The following PAWR variants were observed in gnomAD, a reference collection of about 807,000 sequenced individuals.
The protein encoded by PAWR is PRKC apoptosis WT1 regulator protein.
PAWR carries 23 observed loss-of-function variants against 32.0 expected under a neutral mutation model. That is an observed-to-expected ratio of 0.72 (90% CI 0.52 to 1.02). The LOEUF is 1.02. PAWR is among the 50% of genes least tolerant of loss of function. The pLI, the probability that PAWR is intolerant of heterozygous loss-of-function variation, is 0.00. For missense variants in PAWR, 457 were observed against 437.7 expected, an observed-to-expected ratio of 1.04 and a Z score of -0.39; for synonymous variants, 226 against 187.1, an observed-to-expected ratio of 1.21 and a Z score of -1.70.
In PAWR at chr12:79,586,068, A is replaced by G. The variant is rs1873376811; in HGVS notation, c.*6539T>C. The G allele has an allele frequency of 6.6e-6, 1 of 152,200 alleles. No individual in the cohort carries two copies. Among genetic ancestry groups the G allele is most frequent in the South Asian group, 2.1e-4 (1 of 4,828 alleles). 9.4% of individuals were successfully genotyped at this position (152,200 alleles called of 1,614,324 possible). On this transcript the variant is annotated 3_prime_UTR_variant, in exon 7 of 7. Transcript: ENST00000328827. Reference sequence around the variant, plus strand: ...CTCATCAAAATTTTCATTGATTTAAATAAGTTAATATGAACAGACTGACAT... The same window carrying G: ...CTCATCAAAATTTTCATTGATTTAAGTAAGTTAATATGAACAGACTGACAT...
At chr12:79,595,840 G>A (rs1330795610) in intron 5 of PAWR, among the ~76,000 whole-genome samples, 1 of 151,926 alleles carries the variant, frequency 6.6e-6, no homozygotes, top group Non-Finnish European at 1.5e-5. Context: ...CAACAAGAGC[G>A]AAACTCTGTC....
chr12:79,640,116 G>A (rs536190395), intron 2 of PAWR, among the ~76,000 whole-genome samples: 72 of 152,068 alleles, frequency 4.7e-4, no homozygotes, highest in African/African-American at 1.7e-3. Context: ...TGTTAGCCAG[G>A]CTTGTCGAAC....
At chr12:79,625,406 G>C (rs1284763602) in intron 2 of PAWR, among the ~76,000 whole-genome samples, 1 of 151,902 alleles carries the variant, frequency 6.6e-6, no homozygotes, top group South Asian at 2.1e-4. Context: ...ACAGATGCAA[G>C]CTCAACAAGT....
At chr12:79,633,016 C>G (rs1289378795) in intron 2 of PAWR, among the ~76,000 whole-genome samples, 1 of 151,950 alleles carries the variant, frequency 6.6e-6, no homozygotes, top group Non-Finnish European at 1.5e-5. Context: ...TGTCTGTAGT[C>G]TCAGTTACTT....
chr12:79,643,071 CA>C (rs1876406395), intron 2 of PAWR, among the ~76,000 whole-genome samples: 2 of 152,112 alleles, frequency 1.3e-5, no homozygotes, highest in Admixed American at 1.3e-4. Flanking sequence ...ATTACAAAGG[CA>C]AATCTTGCTT....
intron 2 of PAWR, among the ~76,000 whole-genome samples, chr12:79,622,075 C>T (rs1366329968): frequency 6.6e-6 from 1 of 151,780 alleles, no homozygotes; most frequent in African/African-American, 2.4e-5. Flanking sequence ...CACTAAGGAA[C>T]TGATCACAGC....
intron 3 of PAWR, 62 bp from the exon 4 acceptor site, chr12:79,613,671 T>C (rs1022588637): frequency 2.6e-5 from 22 of 836,788 alleles, no homozygotes; most frequent in Non-Finnish European, 4.0e-5. Flanking sequence ...ACTTATTATA[T>C]AAAATAGTTG....
intron 4 of PAWR, among the ~76,000 whole-genome samples, chr12:79,611,286 AAT>A (rs914751743): frequency 5.4e-5 from 8 of 147,022 alleles, no homozygotes; most frequent in African/African-American, 2.0e-4. Context: ...ATTTATATAA[AAT>A]ATATATAATT....
At chr12:79,621,261 A>G in intron 2 of PAWR, 54 bp from the exon 3 acceptor site, 1 of 1,318,784 alleles carries the variant, frequency 7.6e-7, no homozygotes, top group South Asian at 1.3e-5. Flanking sequence ...GACTGTTTCG[A>G]TAATATGTGA....
At position 79,631,930 on chromosome 12, in the gene PAWR, C is replaced by T. The variant is rs572666360; in HGVS notation, c.517-10723G>A. 1.4e-3 allele frequency among the ~76,000 whole-genome samples: 207 copies of T among 151,854 alleles called. 1 individual carries two copies. The highest frequency in any genetic ancestry group is 4.6e-3 in the African/African-American group (190 of 41,440). On this transcript the variant is annotated intron_variant, in intron 2 of 6. Coordinates refer to ENST00000328827, the MANE Select transcript of PAWR (RefSeq NM_002583.4). The stretch of plus-strand genomic sequence containing the variant: ...GGTGGATTGCCTGAGCTCAAGAGTT[C>T]GAGACCAGCCTGGGGAACATGATGA...
chr12:79,594,704 T>TGA (rs1873682619), intron 5 of PAWR, among the ~76,000 whole-genome samples: 1 of 105,340 alleles, frequency 9.5e-6, no homozygotes, highest in Non-Finnish European at 1.6e-5. Context: ...TAACCTCGTG[T>TGA]GTGTGTGTGT....
chr12:79,611,713 G>A (rs1874448665), intron 4 of PAWR, among the ~76,000 whole-genome samples: 1 of 151,776 alleles, frequency 6.6e-6, no homozygotes, highest in South Asian at 2.1e-4. Context: ...ATTAAACAGG[G>A]GCAAATCTTT....
At chr12:79,650,322 G>T (rs540426573) in intron 2 of PAWR, among the ~76,000 whole-genome samples, 6 of 152,282 alleles carry the variant, frequency 3.9e-5, no homozygotes, top group African/African-American at 1.4e-4. Flanking sequence ...AAGGCTACAC[G>T]CTACATTGAC....
intron 2 of PAWR, among the ~76,000 whole-genome samples, chr12:79,646,347 T>C (rs1648706850): frequency 1.3e-5 from 2 of 152,144 alleles, no homozygotes; most frequent in Admixed American, 6.5e-5. Flanking sequence ...TTATTCTCTG[T>C]AGATACTGAA....
Position 79,613,611 on chromosome 12 carries a change from T to G in PAWR, c.649-2A>C. ...GCCTGAAACTGTTCTAGGTGGCTCC[T>G]GCAAAGTAAAAATAATTATGTATCA... On this transcript the variant is annotated splice_acceptor_variant, in intron 3 of 6. Transcript: ENST00000328827. LOFTEE classifies it high-confidence loss of function. The G allele has an allele frequency of 6.6e-7, 1 of 1,526,142 alleles. No individual in the cohort carries two copies. The highest frequency in any genetic ancestry group is 9.0e-7 in the Non-Finnish European group (1 of 1,107,098). The allele number at this position is 1,526,142 out of a possible 1,614,324, so 94.5% of individuals were successfully genotyped here.
chr12:79,689,738 A>C lies in PAWR; in HGVS notation c.507T>G (p.Pro169=), dbSNP rs201391435. 81 of 1,561,926 alleles carry C rather than the reference A, an allele frequency of 5.2e-5. No individual in the cohort carries two copies. In the East Asian group the frequency reaches 1.9e-3, roughly 36 times the overall value. The change falls in exon 2 of 7, where the codon CCT becomes CCG. Residue 169 remains proline, a synonymous_variant. Coordinates refer to ENST00000328827, the MANE Select transcript of PAWR (RefSeq NM_002583.4). The part of the protein sequence containing the change: ...KRRSTGVVNI[P]AAECLDEYED... The stretch of plus-strand genomic sequence containing the variant: ...CCCCCGCCCGGCTCACCTCTGCGGC[A>C]GGGATGTTGACCACGCCGGTGGAGC...
intron 2 of PAWR, among the ~76,000 whole-genome samples, chr12:79,687,449 T>C (rs184253707): frequency 4.6e-5 from 7 of 152,328 alleles, no homozygotes; most frequent in Non-Finnish European, 1.0e-4. Flanking sequence ...TCTCTACATA[T>C]GAACTACATG....
At chr12:79,688,986 A>T (rs987775240) in intron 2 of PAWR, among the ~76,000 whole-genome samples, 2 of 151,020 alleles carry the variant, frequency 1.3e-5, no homozygotes, top group Non-Finnish European at 2.9e-5. Flanking sequence ...TGCTACCTGT[A>T]ACGTTTCGAA....
At chr12:79,603,767 T>A (rs994776504) in intron 4 of PAWR, 3 of 146,962 alleles carry the variant, frequency 2.0e-5, no homozygotes, top group African/African-American at 7.6e-5. Flanking sequence ...AACCTCAGCC[T>A]GCAGTCAAGT....
Sources: allele counts gnomAD v4.1 joint callset (sites outside exome capture counted in the v4.1 genomes callset), GRCh38; gene constraint gnomAD v4.1.1; transcripts MANE v1.5; gene names NCBI Gene and HGNC (gene_info 2026-07-23, HGNC 2026-07-21).